Variants in GATAD2A observed in about 807,000 individuals in gnomAD.
GATAD2A encodes transcriptional repressor p66-alpha.
Under a neutral mutation model 68.5 loss-of-function variants are expected in GATAD2A, and 12 were observed. That is an observed-to-expected ratio of 0.18 (90% CI 0.11 to 0.28). The LOEUF (loss-of-function observed/expected upper bound fraction) is 0.28, where lower values mean the gene tolerates loss of function less well. Among genes scored for constraint, GATAD2A ranks in the 10% least tolerant of loss-of-function variants. The probability of loss-of-function intolerance (pLI) is 1.00; values close to 1 mark genes in which losing one functional copy is unlikely to be tolerated. For missense variants in GATAD2A, 755 were observed against 868.5 expected, an observed-to-expected ratio of 0.87 and a Z score of 1.64; for synonymous variants, 410 against 375.3, an observed-to-expected ratio of 1.09 and a Z score of -1.07.
rs7256550 is a variant in GATAD2A, at chr19:19,470,152, T to G, written c.269+4538T>G. On this transcript the variant is annotated intron_variant, in intron 2 of 11. Transcript: ENST00000683918. ...GCCAAACTGCGACTTTATTTTTTTT[T>G]TTGTTTTTTTTTTTTTGAGACAGAG... 5.8e-4 allele frequency among the ~76,000 whole-genome samples: 80 copies of G among 137,102 alleles called. 1 individual carries two copies. The highest frequency in any genetic ancestry group is 1.4e-3 in the African/African-American group (48 of 35,450). The allele number at this position is 137,102 out of a possible 152,430, so 89.9% of individuals were successfully genotyped here.
chr19:19,486,383 G>C (rs1328566938), intron 2 of GATAD2A, among the ~76,000 whole-genome samples: 2 of 152,206 alleles, frequency 1.3e-5, no homozygotes, highest in African/African-American at 4.8e-5. Context: ...AATCACTCCT[G>C]CATGCTCCTA....
In GATAD2A at chr19:19,444,741, C is replaced by T. The variant is rs570979356; in HGVS notation, c.-6-20599C>T. ...CAAAAATTAGCCAGGTGTGGTGGTG[C>T]GTGCCTTTAGTCCCAGCTACTCAGG... On this transcript the variant is annotated intron_variant, in intron 1 of 11. Transcript: ENST00000683918. Among the ~76,000 whole-genome samples, 24 of 151,946 alleles carry T rather than the reference C, an allele frequency of 1.6e-4. No homozygotes were observed. The South Asian group carries it at 4.0e-3, about 25-fold the overall frequency.
intron 2 of GATAD2A, among the ~76,000 whole-genome samples, chr19:19,486,671 G>A (rs1484751438): frequency 6.6e-6 from 1 of 152,196 alleles, no homozygotes; most frequent in Admixed American, 6.5e-5. Flanking sequence ...GGGCATGCAG[G>A]GTGGCTATGA....
At chr19:19,438,183 T>C in intron 1 of GATAD2A, among the ~76,000 whole-genome samples, 1 of 152,192 alleles carries the variant, frequency 6.6e-6, no homozygotes, top group South Asian at 2.1e-4. Flanking sequence ...TGTCAGGCAT[T>C]GACAGAAACA....
At chr19:19,463,404 C>T (rs1036183022) in intron 1 of GATAD2A, among the ~76,000 whole-genome samples, 2 of 152,088 alleles carry the variant, frequency 1.3e-5, no homozygotes, top group African/African-American at 4.8e-5. Flanking sequence ...AGAGGGACAC[C>T]GTAGCATTCC....
At chr19:19,488,606 G>A (rs553225540) in intron 2 of GATAD2A, among the ~76,000 whole-genome samples, 22 of 152,240 alleles carry the variant, frequency 1.4e-4, no homozygotes, top group African/African-American at 5.1e-4. Context: ...TTATAATCCC[G>A]GCCTCTCCTC....
intron 2 of GATAD2A, among the ~76,000 whole-genome samples, chr19:19,466,204 C>G (rs150255585): frequency 6.6e-6 from 1 of 152,326 alleles, no homozygotes; most frequent in Non-Finnish European, 1.5e-5. Context: ...TTATGAGTCT[C>G]TTAAGGTAAA....
intron 2 of GATAD2A, among the ~76,000 whole-genome samples, chr19:19,476,895 C>T (rs192152199): frequency 6.6e-6 from 1 of 152,264 alleles, no homozygotes. Flanking sequence ...TTTCTTCTCT[C>T]TCTTAAGATG....
chr19:19,444,971 T>G (rs2055544236), intron 1 of GATAD2A, among the ~76,000 whole-genome samples: 1 of 151,928 alleles, frequency 6.6e-6, no homozygotes, highest in African/African-American at 2.4e-5. Context: ...GGGGCTCTGC[T>G]GGTAGTAACT....
intron 1 of GATAD2A, among the ~76,000 whole-genome samples, chr19:19,398,739 A>G (rs2049460890): frequency 6.6e-6 from 1 of 151,640 alleles, no homozygotes; most frequent in Non-Finnish European, 1.5e-5. Context: ...GGAGTTCACC[A>G]ACATGGTGAA....
At position 19,440,163 on chromosome 19, in the gene GATAD2A, A is replaced by G. The variant is rs1402300057; in HGVS notation, c.-6-25177A>G. 4.5e-5 allele frequency: 19 copies of G among 417,846 alleles called. No homozygotes were observed. In the Admixed American group the frequency reaches 4.9e-4, roughly 11 times the overall value. 25.9% of individuals were successfully genotyped at this position (417,846 alleles called of 1,614,324 possible). A position where few individuals can be genotyped will look rare whatever the true frequency, so the allele number is the denominator to read the frequency against. On this transcript the variant is annotated intron_variant, in intron 1 of 11. Coordinates refer to ENST00000683918, the MANE Select transcript of GATAD2A (RefSeq NM_001384528.1). ...GATTTCTAGTTGAAATGACAAGCAG[A>G]AAAAAGAACAATGTAAAGGAAGAAG...
chr19:19,410,442 G>C (rs1283580489), intron 1 of GATAD2A, among the ~76,000 whole-genome samples: 1 of 152,264 alleles, frequency 6.6e-6, no homozygotes, highest in South Asian at 2.1e-4. Flanking sequence ...GTGGCCATGT[G>C]GTACAGGATT....
chr19:19,458,815 C>T (rs367696791), intron 1 of GATAD2A, among the ~76,000 whole-genome samples: 29 of 152,304 alleles, frequency 1.9e-4, no homozygotes, highest in Non-Finnish European at 3.1e-4. Context: ...TATCCTCTCT[C>T]GGCCCACTGA....
chr19:19,454,570 C>T (rs1314542976), intron 1 of GATAD2A, among the ~76,000 whole-genome samples: 2 of 151,506 alleles, frequency 1.3e-5, no homozygotes, highest in Non-Finnish European at 2.9e-5. Context: ...TTGCCCCCAG[C>T]CTGGGTGACA....
chr19:19,495,570 G>A (rs1024915305), intron 5 of GATAD2A, among the ~76,000 whole-genome samples, 184 bp from the exon 6 acceptor site: 2 of 148,946 alleles, frequency 1.3e-5, no homozygotes, highest in Non-Finnish European at 3.0e-5. Flanking sequence ...GCCTCACAAA[G>A]TGCTGGGATT....
In GATAD2A at chr19:19,491,233, C is replaced by T. The variant is rs374886230; in HGVS notation, c.270-1073C>T. Among the ~76,000 whole-genome samples, 17 of 152,308 alleles carry T rather than the reference C, an allele frequency of 1.1e-4. No individual in the cohort carries two copies. The East Asian group carries it at 2.7e-3, about 24-fold the overall frequency. ...ATGAATAACAGCAGCTCATCAGCCA[C>T]ACTCTTAGACGTTTGTGACCATACT... On this transcript the variant is annotated intron_variant, in intron 2 of 11. Coordinates refer to ENST00000683918, the MANE Select transcript of GATAD2A (RefSeq NM_001384528.1).
chr19:19,409,555 C>T (rs1299845860), intron 1 of GATAD2A, among the ~76,000 whole-genome samples: 1 of 152,112 alleles, frequency 6.6e-6, no homozygotes, highest in African/African-American at 2.4e-5. Flanking sequence ...AGGTAGCTTT[C>T]CACAGTCTGG....
At chr19:19,448,276 G>A (rs2055970393) in intron 1 of GATAD2A, among the ~76,000 whole-genome samples, 1 of 152,230 alleles carries the variant, frequency 6.6e-6, no homozygotes, top group Non-Finnish European at 1.5e-5. Context: ...TTTCTATGTC[G>A]TGTGTTCCTT....
intron 1 of GATAD2A, among the ~76,000 whole-genome samples, chr19:19,422,716 GTT>G (rs765812453): frequency 1.4e-5 from 2 of 142,200 alleles, no homozygotes; most frequent in Non-Finnish European, 1.5e-5. Flanking sequence ...TGTTTTTGTT[GTT>G]TTTTTTTTTT....
Sources: gnomAD v4.1 joint callset for allele counts (sites outside exome capture counted in the v4.1 genomes callset) on GRCh38, gnomAD v4.1.1 for gene constraint, MANE v1.5 for transcripts, NCBI Gene and HGNC (gene_info 2026-07-23, HGNC 2026-07-21) for gene names.